The following CUX2 variants were observed in gnomAD, a reference collection of about 807,000 sequenced individuals.
CUX2 encodes the protein homeobox protein cut-like 2.
Under a neutral mutation model 144.8 loss-of-function variants are expected in CUX2, and 40 were observed. That is an observed-to-expected ratio of 0.28 (90% CI 0.21 to 0.36). The LOEUF (loss-of-function observed/expected upper bound fraction) is 0.36. Ranked by LOEUF, CUX2 falls within the 10% of genes least tolerant of loss-of-function variation. CUX2 has a pLI of 1.00. For synonymous variants in CUX2, 827 were observed against 875.6 expected (o/e 0.94, Z 0.98); for missense variants, 1,615 against 1,994.0 (o/e 0.81, Z 3.62).
chr12:111,275,042 G>C (rs553406820), intron 4 of CUX2, among the ~76,000 whole-genome samples: 1 of 152,208 alleles, frequency 6.6e-6, no homozygotes, highest in South Asian at 2.1e-4. Context: ...CCACCTCCCT[G>C]ACAGTGCCTT....
chr12:111,236,683 GAAAT>G (rs1465620095), intron 3 of CUX2, among the ~76,000 whole-genome samples: 1 of 152,182 alleles, frequency 6.6e-6, no homozygotes, highest in South Asian at 2.1e-4. Flanking sequence ...ACAAGAAAAA[GAAAT>G]AAATAATACA....
chr12:111,348,146 C>A lies in CUX2; in HGVS notation c.4282C>A (p.Pro1428Thr), dbSNP rs1321659689. ...CATCTCCCCATCCCCACCTGGCGCC[C>A]CCCCTGCCAAAGTGCCGAGTGCCAG... ...APISPSPPGA[P>T]PAKVPSASPT... Residue 1428 changes from proline (P) to threonine (T), a missense_variant, in exon 22 of 22, where the codon CCC (proline) becomes ACC (threonine). Pro to Thr is a conservative substitution (Grantham distance 38). Around this residue, in one of 12 missense-constraint regions of CUX2, gnomAD observed 298 missense variants for 330.4 expected, o/e 0.90. Coordinates refer to ENST00000261726, the MANE Select transcript of CUX2 (RefSeq NM_015267.4). 6.2e-7 allele frequency: 1 copy of A among 1,614,116 alleles called. No individual in the cohort carries two copies. The highest frequency in any genetic ancestry group is 1.7e-5 in the Admixed American group (1 of 60,014).
At chr12:111,282,656 A>G (rs1885174850) in intron 4 of CUX2, among the ~76,000 whole-genome samples, 1 of 151,338 alleles carries the variant, frequency 6.6e-6, no homozygotes, top group African/African-American at 2.4e-5. Context: ...AAAATCACAC[A>G]GAACAGGAGG....
intron 1 of CUX2, among the ~76,000 whole-genome samples, chr12:111,120,008 A>G (rs1874546872): frequency 6.6e-6 from 1 of 152,236 alleles, no homozygotes; most frequent in Non-Finnish European, 1.5e-5. Context: ...CAGTGAGTCA[A>G]GATCGCGGCA....
rs567386331 is a variant in CUX2 at position 111,317,487 on chromosome 12, C to T, written c.2003-2525C>T. 2.6e-5 allele frequency among the ~76,000 whole-genome samples: 4 copies of T among 152,154 alleles called. No homozygotes were observed. In the South Asian group the frequency reaches 8.3e-4, roughly 32 times the overall value. Reference sequence around the variant, plus strand: ...TCACTCATGTAAATGACAGAATGAACCTCTGGGAACATATTGCCCAACCCA... The same window carrying T: ...TCACTCATGTAAATGACAGAATGAATCTCTGGGAACATATTGCCCAACCCA... On this transcript the variant is annotated intron_variant, in intron 16 of 21. Coordinates refer to ENST00000261726, the MANE Select transcript of CUX2 (RefSeq NM_015267.4).
Position 111,061,481 on chromosome 12 carries a change from C to T in CUX2, c.63+27241C>T, listed in dbSNP as rs1344213661. 1.3e-5 allele frequency among the ~76,000 whole-genome samples: 2 copies of T among 152,054 alleles called. No individual in the cohort carries two copies. Among genetic ancestry groups the T allele is most frequent in the Non-Finnish European group, 2.9e-5 (2 of 68,026 alleles). On this transcript the variant is annotated intron_variant, in intron 1 of 21. Coordinates refer to ENST00000261726, the MANE Select transcript of CUX2 (RefSeq NM_015267.4). The surrounding 1 kb of genome is among the most constrained non-coding windows in gnomAD (Gnocchi z 4.2). ...TTTGCATTATGGAAGACAAAGTCGC[C>T]CCATTATCGGAGGGCTTTACAAATA...
chr12:111,263,871 G>A lies in CUX2; in HGVS notation c.301+32G>A, dbSNP rs139424626. The A allele has an allele frequency of 1.3e-6, 2 of 1,575,500 alleles. No individual in the cohort carries two copies. The highest frequency in any genetic ancestry group is 1.7e-6 in the Non-Finnish European group (2 of 1,144,994). On this transcript the variant is annotated intron_variant, in intron 4 of 21. Coordinates refer to ENST00000261726, the MANE Select transcript of CUX2 (RefSeq NM_015267.4). This position sits in a 1 kb window ranked among gnomAD's most constrained non-coding sequence, Gnocchi z 4.0. ...AATGCTTGGGCTCCGTAATTGAATA[G>A]TTAACGACAATAAATAGCCATTAGG...
At chr12:111,268,222 T>C (rs1230373437) in intron 4 of CUX2, among the ~76,000 whole-genome samples, 1 of 142,864 alleles carries the variant, frequency 7.0e-6, no homozygotes, top group Non-Finnish European at 1.5e-5. Context: ...TTTTTTGTTT[T>C]TTGTTTTTTG....
intron 18 of CUX2, among the ~76,000 whole-genome samples, chr12:111,327,688 C>T (rs1435882887): frequency 6.6e-6 from 1 of 152,102 alleles, no homozygotes; most frequent in Non-Finnish European, 1.5e-5. Flanking sequence ...GCACAGGCAG[C>T]GGCTAGGAGG....
intron 1 of CUX2, among the ~76,000 whole-genome samples, chr12:111,081,807 A>C (rs565513805): frequency 6.6e-6 from 1 of 152,220 alleles, no homozygotes; most frequent in South Asian, 2.1e-4. Context: ...TTCCCCTTGG[A>C]CTTTTTAGTG....
intron 1 of CUX2, among the ~76,000 whole-genome samples, chr12:111,092,221 G>A (rs552250942): frequency 6.6e-6 from 1 of 152,276 alleles, no homozygotes; most frequent in African/African-American, 2.4e-5. Context: ...GAGGGTGTGC[G>A]AATGTCTCCC....
chr12:111,264,261 G>A (rs1884271221), intron 4 of CUX2, among the ~76,000 whole-genome samples: 1 of 152,172 alleles, frequency 6.6e-6, no homozygotes, highest in Admixed American at 6.5e-5. Flanking sequence ...CTGCTGTTGA[G>A]TAAAAGCCAG....
chr12:111,306,953 T>G lies in CUX2; in HGVS notation c.891T>G (p.Pro297=). 1 of 1,612,690 alleles carries G rather than the reference T, an allele frequency of 6.2e-7. No homozygotes were observed. Among genetic ancestry groups the G allele is most frequent in the African/African-American group, 1.3e-5 (1 of 75,006 alleles). Residue 297 remains proline, a synonymous_variant, in exon 11 of 22, where the codon CCT becomes CCG. Coordinates refer to ENST00000261726, the MANE Select transcript of CUX2 (RefSeq NM_015267.4). ...TGAACTTCACTCTGTGCTCGGGCCC[T>G]CGGCTGGAGGCCGCGCTGGCCTCCA... The part of the protein sequence containing the change: ...DKVNFTLCSG[P]RLEAALASKD...
chr12:111,208,763 C>G (rs1881053111), intron 1 of CUX2, among the ~76,000 whole-genome samples: 1 of 152,216 alleles, frequency 6.6e-6, no homozygotes, highest in African/African-American at 2.4e-5. Flanking sequence ...TCTGCCTTAT[C>G]TCTTCCACCC....
chr12:111,205,777 C>T (rs781683909), intron 1 of CUX2, among the ~76,000 whole-genome samples: 5 of 152,198 alleles, frequency 3.3e-5, no homozygotes, highest in Non-Finnish European at 5.9e-5. Flanking sequence ...TCAAAGCCAA[C>T]GTTTGAACCC....
intron 3 of CUX2, among the ~76,000 whole-genome samples, chr12:111,235,099 G>A (rs1182171465): frequency 6.6e-6 from 1 of 152,166 alleles, no homozygotes; most frequent in Non-Finnish European, 1.5e-5. Flanking sequence ...GGTTGAGTGA[G>A]CTGGTAATGC....
chr12:111,176,039 C>CTTTTTTTTTTTT (rs1172563784), intron 1 of CUX2, among the ~76,000 whole-genome samples: 9 of 70,196 alleles, frequency 1.3e-4, no homozygotes, highest in Non-Finnish European at 2.1e-4. Context: ...TCTTCTTCTT[C>CTTTTTTTTTTTT]TTTTTTTTTT....
intron 3 of CUX2, among the ~76,000 whole-genome samples, chr12:111,259,067 G>A (rs1225948430): frequency 6.7e-6 from 1 of 148,794 alleles, no homozygotes; most frequent in Non-Finnish European, 1.5e-5. Flanking sequence ...GTGTGTGTGT[G>A]TGTGTTTGTG....
chr12:111,097,453 T>C (rs1482329731), intron 1 of CUX2, among the ~76,000 whole-genome samples: 2 of 152,198 alleles, frequency 1.3e-5, no homozygotes, highest in Non-Finnish European at 2.9e-5. Context: ...AGGGTCTTTC[T>C]TTTTGGCTTT....
Sources: allele counts gnomAD v4.1 joint callset (sites outside exome capture counted in the v4.1 genomes callset), GRCh38; gene constraint gnomAD v4.1.1; regional missense constraint gnomAD v4.1.1; non-coding constraint Gnocchi (gnomAD v3.1); transcripts MANE v1.5; gene names NCBI Gene and HGNC (gene_info 2026-07-23, HGNC 2026-07-21).